Variants in EPS15L1 observed in about 807,000 individuals in gnomAD.
EPS15L1 encodes the protein epidermal growth factor receptor pathway substrate 15 like 1.
Under a neutral mutation model 117.1 loss-of-function variants are expected in EPS15L1, and 43 were observed. The ratio of observed to expected loss-of-function variants is 0.37; its 90% CI spans 0.29 to 0.47. The LOEUF is 0.47. Among genes scored for constraint, EPS15L1 ranks in the 20% least tolerant of loss-of-function variants. The probability of loss-of-function intolerance (pLI) is 0.99; values close to 1 mark genes in which losing one functional copy is unlikely to be tolerated. For missense variants in EPS15L1, 981 were observed against 1,164.0 expected (o/e 0.84, Z 2.29); for synonymous variants, 459 against 470.5 (o/e 0.98, Z 0.32).
intron 8 of EPS15L1, among the ~76,000 whole-genome samples, chr19:16,428,312 C>T (rs542552159): frequency 6.6e-6 from 1 of 151,668 alleles, no homozygotes; most frequent in South Asian, 2.1e-4. Flanking sequence ...GAGATGGAGA[C>T]CATCCTGGCC....
chr19:16,395,456 G>T lies in EPS15L1; in HGVS notation c.1803C>A (p.Phe601Leu). Residue 601 changes from phenylalanine (F) to leucine (L), a missense_variant, in exon 17 of 24, where the codon TTC becomes TTA. By Grantham distance (22) the Phe-to-Leu change is conservative. This residue lies in a region of EPS15L1 where 819 missense variants were observed against 949.0 expected (regional missense o/e 0.86). Coordinates refer to ENST00000455140, the MANE Select transcript of EPS15L1 (RefSeq NM_001258374.3). Reference protein sequence around the residue: ...RGSFGAMDDPFKNKALLFSNN... With the variant: ...RGSFGAMDDPLKNKALLFSNN... Reference sequence around the variant, plus strand: ...TGCTAAATAACAAGGCTTTATTTTTGAAAGGATCATCCTACAATTTTGTGA... The same window carrying T: ...TGCTAAATAACAAGGCTTTATTTTTTAAAGGATCATCCTACAATTTTGTGA... The T allele has an allele frequency of 6.2e-7, 1 of 1,613,578 alleles. No homozygotes were observed.
intron 8 of EPS15L1, among the ~76,000 whole-genome samples, chr19:16,428,329 G>T (rs1388787654): frequency 6.6e-6 from 1 of 151,554 alleles, no homozygotes; most frequent in Non-Finnish European, 1.5e-5. Flanking sequence ...GGCCAAGATC[G>T]GGCCACTGAA....
chr19:16,471,345 T>C lies in EPS15L1; in HGVS notation c.33+568A>G, dbSNP rs1242627324. On this transcript the variant is annotated intron_variant, in intron 1 of 23. Coordinates refer to ENST00000455140, the MANE Select transcript of EPS15L1 (RefSeq NM_001258374.3). This position sits in a 1 kb window ranked among gnomAD's most constrained non-coding sequence, Gnocchi z 4.8. ...CATGTCTGTGTCGCGCTATCGATAC[T>C]GCCCCTTCATAAGCGCATCAGGCGA... Among the ~76,000 whole-genome samples, 2 of 152,238 alleles carry C rather than the reference T, an allele frequency of 1.3e-5. No individual in the cohort carries two copies. The highest frequency in any genetic ancestry group is 2.9e-5 in the Non-Finnish European group (2 of 68,034).
chr19:16,427,649 T>C (rs1028774174), intron 8 of EPS15L1, among the ~76,000 whole-genome samples: 2 of 152,044 alleles, frequency 1.3e-5, no homozygotes, highest in Non-Finnish European at 2.9e-5. Context: ...CCCAGCACTT[T>C]AGGAGGCAGA....
At chr19:16,433,305 T>A (rs1329229630) in intron 7 of EPS15L1, among the ~76,000 whole-genome samples, 1 of 151,792 alleles carries the variant, frequency 6.6e-6, no homozygotes, top group Non-Finnish European at 1.5e-5. Context: ...TTTTTGTATT[T>A]TTTTTTAGTA....
intron 19 of EPS15L1, among the ~76,000 whole-genome samples, chr19:16,386,705 C>A (rs970405641): frequency 2.0e-5 from 3 of 152,184 alleles, no homozygotes; most frequent in Non-Finnish European, 4.4e-5. Flanking sequence ...AGATGCAAGC[C>A]CTGAACTTCA....
At chr19:16,406,353 C>CA (rs1251823370) in intron 13 of EPS15L1, among the ~76,000 whole-genome samples, 2 of 152,172 alleles carry the variant, frequency 1.3e-5, no homozygotes, top group Non-Finnish European at 2.9e-5. Flanking sequence ...AGAAAGACTC[C>CA]AGTGAGTGTG....
At chr19:16,421,801 G>A (rs2092816497) in intron 9 of EPS15L1, among the ~76,000 whole-genome samples, 1 of 152,070 alleles carries the variant, frequency 6.6e-6, no homozygotes, top group Non-Finnish European at 1.5e-5. Context: ...GTTCAAGCAT[G>A]CCAGGAAAGA....
Position 16,404,453 on chromosome 19 carries a change from G to T in EPS15L1, c.1428+135C>A. On this transcript the variant is annotated intron_variant, in intron 14 of 23. Coordinates refer to ENST00000455140, the MANE Select transcript of EPS15L1 (RefSeq NM_001258374.3). This position sits in a 1 kb window ranked among gnomAD's most constrained non-coding sequence, Gnocchi z 4.2. The stretch of plus-strand genomic sequence containing the variant: ...CACAGGTGCTTGGACACTTTTCCAC[G>T]TGGTGTTTGGAGGAACTCTATTGAC... The T allele has an allele frequency of 1.0e-6, 1 of 981,868 alleles. No homozygotes were observed. The highest frequency in any genetic ancestry group is 1.5e-6 in the Non-Finnish European group (1 of 671,620). 60.8% of individuals were successfully genotyped at this position (981,868 alleles called of 1,614,324 possible).
At chr19:16,382,015 G>A (rs567059560) in intron 21 of EPS15L1, among the ~76,000 whole-genome samples, 19 of 152,262 alleles carry the variant, frequency 1.2e-4, no homozygotes, top group East Asian at 3.9e-4. Flanking sequence ...AATAGGACCC[G>A]GGCAATAAAA....
rs1225365237 is a variant in EPS15L1 at position 16,381,962 on chromosome 19, G to C, written c.2247+3167C>G. On this transcript the variant is annotated intron_variant, in intron 21 of 23. Transcript: ENST00000455140. The surrounding 1 kb of genome is among the most constrained non-coding windows in gnomAD (Gnocchi z 4.2). Reference sequence around the variant, plus strand: ...TCTCCAGACTCGGAGTGGGGCCTCGGTTCCAGTGGCTGCAGTGAGCCTTTC... The same window carrying C: ...TCTCCAGACTCGGAGTGGGGCCTCGCTTCCAGTGGCTGCAGTGAGCCTTTC... 6.6e-6 allele frequency among the ~76,000 whole-genome samples: 1 copy of C among 152,204 alleles called. No individual in the cohort carries two copies. The highest frequency in any genetic ancestry group is 1.5e-5 in the Non-Finnish European group (1 of 68,030).
chr19:16,440,190 T>C (rs1797522134), intron 4 of EPS15L1, among the ~76,000 whole-genome samples: 1 of 152,042 alleles, frequency 6.6e-6, no homozygotes, highest in Non-Finnish European at 1.5e-5. Flanking sequence ...CCCAGCAGTT[T>C]GGGAGGCCGA....
intron 22 of EPS15L1, among the ~76,000 whole-genome samples, chr19:16,364,469 C>A (rs1568388414): frequency 6.6e-6 from 1 of 152,214 alleles, no homozygotes; most frequent in Non-Finnish European, 1.5e-5. Flanking sequence ...CCTCCTCCTA[C>A]CCCGACCTCC....
rs568806756 is a variant in EPS15L1, at chr19:16,427,899, AAAAG to A, written c.558+799_558+802del. On this transcript the variant is annotated intron_variant, in intron 8 of 23. Transcript: ENST00000455140. ...ACAGAGCAAGACTCCGTGTCAAAAA[AAAAG>A]AAAGAAAGAAAGAAAGAAGGCTAGG... Among the ~76,000 whole-genome samples, 116 of 148,368 alleles carry A rather than the reference AAAAG, an allele frequency of 7.8e-4. No individual in the cohort carries two copies. The South Asian group carries it at 0.017, about 22-fold the overall frequency.
chr19:16,420,056 A>G (rs116161742), intron 10 of EPS15L1, among the ~76,000 whole-genome samples: 1,787 of 152,226 alleles, frequency 0.012, 36 homozygotes, highest in African/African-American at 0.041. Flanking sequence ...CTCTGTCTTC[A>G]TGCTCCCCCT....
chr19:16,452,916 C>A (rs148558060), intron 1 of EPS15L1, among the ~76,000 whole-genome samples: 2,619 of 152,142 alleles, frequency 0.017, 37 homozygotes, highest in Non-Finnish European at 0.028. Context: ...CCTGCCTCAG[C>A]CTCCCGAATA....
Position 16,381,618 on chromosome 19 carries a change from C to T in EPS15L1, c.2247+3511G>A, listed in dbSNP as rs372085731. On this transcript the variant is annotated intron_variant, in intron 21 of 23. Coordinates refer to ENST00000455140, the MANE Select transcript of EPS15L1 (RefSeq NM_001258374.3). This position sits in a 1 kb window ranked among gnomAD's most constrained non-coding sequence, Gnocchi z 4.2. ...CACACGACAATGATCACACCAAGTA[C>T]GAAGCTGCGATTGGAATCTGGGAGT... Among the ~76,000 whole-genome samples the T allele has an allele frequency of 6.3e-4, 96 of 152,322 alleles. 1 individual carries two copies. The South Asian group carries it at 9.5e-3, about 15-fold the overall frequency.
chr19:16,468,906 G>A (rs1366496853), intron 1 of EPS15L1, among the ~76,000 whole-genome samples: 3 of 152,188 alleles, frequency 2.0e-5, no homozygotes, highest in Non-Finnish European at 2.9e-5. Context: ...TGTAGTCCCA[G>A]CTACTTGAGA....
rs890598253 is a variant in EPS15L1, at chr19:16,355,417, C to T, written c.*288G>A. ...TGGGTGCTTCCTCTCCTCGACTGAC[C>T]GCTGTGTGTTCGTCCCCAGAGGAAG... On this transcript the variant is annotated 3_prime_UTR_variant, in exon 24 of 24. Transcript: ENST00000455140. The T allele has an allele frequency of 9.9e-5, 39 of 395,250 alleles. 1 individual carries two copies. Among genetic ancestry groups the T allele is most frequent in the East Asian group, 6.5e-4 (17 of 26,038 alleles). 24.5% of individuals were successfully genotyped at this position (395,250 alleles called of 1,614,324 possible).
Sources: allele counts gnomAD v4.1 joint callset (sites outside exome capture counted in the v4.1 genomes callset), GRCh38; gene constraint gnomAD v4.1.1; regional missense constraint gnomAD v4.1.1; non-coding constraint Gnocchi (gnomAD v3.1); transcripts MANE v1.5; gene names NCBI Gene and HGNC (gene_info 2026-07-23, HGNC 2026-07-21).